Variants in PDE11A observed in about 807,000 individuals in gnomAD.
The protein encoded by PDE11A is phosphodiesterase 11A, also known as dual 3',5'-cyclic-AMP and -GMP phosphodiesterase 11A.
In PDE11A, 100 loss-of-function variants were observed where a neutral mutation model predicts 100.5. The ratio of observed to expected loss-of-function variants is 1.00; its 90% CI spans 0.85 to 1.18. PDE11A has a LOEUF of 1.18. Ranked by LOEUF, PDE11A falls within the 50% of genes most tolerant of loss-of-function variation. PDE11A has a pLI of 0.00. For missense variants in PDE11A, 1,141 were observed against 1,152.6 expected, an observed-to-expected ratio of 0.99 and a Z score of 0.15; for synonymous variants, 381 against 420.8, an observed-to-expected ratio of 0.91 and a Z score of 1.16.
upstream of PDE11A, chr2:178,072,974 G>A (rs1400642023): frequency 1.0e-6 from 1 of 985,230 alleles, no homozygotes; most frequent in African/African-American, 1.7e-5. Context: ...CTCCTGATTG[G>A]AACACGATTA....
chr2:178,106,386 G>A (rs1296477496), intron 1 of PDE11A, among the ~76,000 whole-genome samples: 2 of 152,122 alleles, frequency 1.3e-5, no homozygotes, highest in African/African-American at 4.8e-5. Context: ...ATGGAAAGCC[G>A]GGTAAGAAAA....
chr2:178,014,452 T>G lies in PDE11A; in HGVS notation c.921A>C (p.Arg307=). 2 of 1,612,734 alleles carry G rather than the reference T, an allele frequency of 1.2e-6. No homozygotes were observed. Among genetic ancestry groups the G allele is most frequent in the South Asian group, 2.2e-5 (2 of 91,038 alleles). The change falls in exon 2 of 20, where the codon CGA becomes CGC. Residue 307 remains arginine, a synonymous_variant. Transcript: ENST00000286063. ...TTAGCTTGTCGATTTCATCATTGAA[T>G]CGTCGATCCTAAAAATAAGACAAAG... ...VNIPDAYQDR[R]FNDEIDKLTG...
At chr2:177,680,459 A>G (rs1046437501) in intron 16 of PDE11A, among the ~76,000 whole-genome samples, 1 of 152,168 alleles carries the variant, frequency 6.6e-6, no homozygotes, top group South Asian at 2.1e-4. Context: ...AAAGAAAAGC[A>G]AAAGTTACTC....
At chr2:177,688,155 T>C (rs528957772) in intron 15 of PDE11A, 12 of 152,360 alleles carry the variant, frequency 7.9e-5, no homozygotes, top group Admixed American at 2.0e-4. Flanking sequence ...TCATGCTATG[T>C]AACAGCATCA....
chr2:177,670,699 C>T (rs1023175414), intron 17 of PDE11A, among the ~76,000 whole-genome samples: 11 of 152,116 alleles, frequency 7.2e-5, no homozygotes, highest in Non-Finnish European at 1.3e-4. Context: ...AATTTAACTC[C>T]GTTGATCTCT....
At chr2:177,981,550 T>C (rs1338788047) in intron 2 of PDE11A, among the ~76,000 whole-genome samples, 1 of 150,670 alleles carries the variant, frequency 6.6e-6, no homozygotes, top group East Asian at 1.9e-4. Context: ...AAATTGACTC[T>C]TTTTAAAGGA....
At position 177,675,716 on chromosome 2, in the gene PDE11A, C is replaced by T. The variant is rs138779615; in HGVS notation, c.2424-198G>A. On this transcript the variant is annotated intron_variant, in intron 16 of 19. Coordinates refer to ENST00000286063, the MANE Select transcript of PDE11A (RefSeq NM_016953.4). ...CATGTGGCCACGCTGCTTAGGAAGA[C>T]AAAGCTCTCACACATCCTCTGGTGG... 248 of 693,088 alleles carry T rather than the reference C, an allele frequency of 3.6e-4. No individual in the cohort carries two copies. In the African/African-American group the frequency reaches 4.0e-3, roughly 11 times the overall value. 42.9% of individuals were successfully genotyped at this position (693,088 alleles called of 1,614,324 possible). A position where few individuals can be genotyped will look rare whatever the true frequency, so the allele number is the denominator to read the frequency against.
chr2:177,663,496 T>A (rs1447536940), intron 19 of PDE11A, among the ~76,000 whole-genome samples: 12 of 58,950 alleles, frequency 2.0e-4, no homozygotes, highest in Admixed American at 1.8e-3. Flanking sequence ...TGATCAAGTT[T>A]AAACGTTTCT....
chr2:178,090,269 T>C lies in PDE11A; in HGVS notation c.162+14033A>G, dbSNP rs188128140. Among the ~76,000 whole-genome samples, 247 of 152,374 alleles carry C rather than the reference T, an allele frequency of 1.6e-3. 1 individual carries two copies. The highest frequency in any genetic ancestry group is 0.01 in the Middle Eastern group (3 of 294). ...CTCAGAAATAATATATATTCAATAATAACACCTATCACAATAAAGTATTTT... is the reference window on the plus strand; with the variant it reads ...CTCAGAAATAATATATATTCAATAACAACACCTATCACAATAAAGTATTTT... On this transcript the variant is annotated intron_variant, in intron 2 of 20. Transcript: ENST00000358450.
intron 12 of PDE11A, among the ~76,000 whole-genome samples, chr2:177,723,520 T>C (rs1287234292): frequency 3.9e-5 from 6 of 152,192 alleles, no homozygotes; most frequent in Admixed American, 3.9e-4. Flanking sequence ...AAGATCATAA[T>C]ATTCTATATG....
At chr2:177,890,850 T>C (rs933609917) in intron 4 of PDE11A, among the ~76,000 whole-genome samples, 2 of 152,176 alleles carry the variant, frequency 1.3e-5, no homozygotes, top group Non-Finnish European at 2.9e-5. Context: ...AAATGTAATC[T>C]CATTTATGTA....
At chr2:177,802,013 A>T (rs2082801951) in intron 9 of PDE11A, among the ~76,000 whole-genome samples, 2 of 152,108 alleles carry the variant, frequency 1.3e-5, no homozygotes, top group Non-Finnish European at 2.9e-5. Flanking sequence ...CTTCCAGTCA[A>T]CAATAAAAAG....
intron 2 of PDE11A, among the ~76,000 whole-genome samples, chr2:177,935,309 G>A (rs1200390000): frequency 6.6e-6 from 1 of 152,092 alleles, no homozygotes; most frequent in Non-Finnish European, 1.5e-5. Flanking sequence ...CTCAGACTGC[G>A]AGGGGTCAGG....
At chr2:177,765,139 A>G (rs546894736) in intron 10 of PDE11A, among the ~76,000 whole-genome samples, 26 of 152,300 alleles carry the variant, frequency 1.7e-4, no homozygotes, top group Middle Eastern at 3.4e-3. Flanking sequence ...ATTTTTCCCA[A>G]CAGAAGTAAT....
chr2:177,839,221 A>G (rs2083449299), intron 6 of PDE11A, among the ~76,000 whole-genome samples: 1 of 152,190 alleles, frequency 6.6e-6, no homozygotes, highest in South Asian at 2.1e-4. Context: ...GGCAGGATTA[A>G]GATTATGGGC....
intron 15 of PDE11A, among the ~76,000 whole-genome samples, chr2:177,691,847 T>C (rs9989817): frequency 0.033 from 5,052 of 152,282 alleles, 281 homozygotes; most frequent in African/African-American, 0.11. Context: ...TATCTTCATG[T>C]TCCTAGAATT....
At chr2:177,681,574 T>G (rs60295960) in intron 15 of PDE11A, among the ~76,000 whole-genome samples, 17,879 of 152,218 alleles carry the variant, frequency 0.12, 1,303 homozygotes, top group Middle Eastern at 0.2. Context: ...GTGGAAAGCA[T>G]GTAGCATAGT....
chr2:177,713,479 C>T (rs180723611), intron 12 of PDE11A, among the ~76,000 whole-genome samples: 1 of 152,226 alleles, frequency 6.6e-6, no homozygotes, highest in East Asian at 1.9e-4. Context: ...AATCCCAGCA[C>T]TTTGGGAGGC....
At chr2:177,900,033 C>T (rs2105729866) in intron 3 of PDE11A, among the ~76,000 whole-genome samples, 1 of 152,056 alleles carries the variant, frequency 6.6e-6, no homozygotes, top group East Asian at 1.9e-4. Context: ...AAGAAATTAG[C>T]TGCAATTTTT....
Sources: allele counts gnomAD v4.1 joint callset (sites outside exome capture counted in the v4.1 genomes callset), GRCh38; gene constraint gnomAD v4.1.1; transcripts MANE v1.5; gene names NCBI Gene and HGNC (gene_info 2026-07-23, HGNC 2026-07-21).